CSMD3: variants seen among roughly 807,000 people sequenced by gnomAD.
CSMD3 encodes the protein CUB and sushi domain-containing protein 3.
Under a neutral mutation model 435.2 loss-of-function variants are expected in CSMD3, and 177 were observed. That is an observed-to-expected ratio of 0.41 (90% CI 0.36 to 0.46). The LOEUF (loss-of-function observed/expected upper bound fraction) is 0.46, where lower values mean the gene tolerates loss of function less well. Ranked by LOEUF, CSMD3 falls within the 20% of genes least tolerant of loss-of-function variation. The pLI is 0.34. For synonymous variants in CSMD3, 1,656 were observed against 1,520.5 expected (o/e 1.09, Z -2.07); for missense variants, 4,265 against 4,504.6 (o/e 0.95, Z 1.52).
intron 8 of CSMD3, among the ~76,000 whole-genome samples, chr8:112,951,029 T>C (rs560846733): frequency 6.6e-6 from 1 of 152,042 alleles, no homozygotes; most frequent in South Asian, 2.1e-4. Flanking sequence ...CAATTTAAAA[T>C]GTAAGGATAA....
At chr8:112,581,552 G>A (rs1830337186) in intron 23 of CSMD3, among the ~76,000 whole-genome samples, 1 of 151,966 alleles carries the variant, frequency 6.6e-6, no homozygotes, top group African/African-American at 2.4e-5. Flanking sequence ...AACTTAATTA[G>A]AAAGGAAATA....
intron 19 of CSMD3, among the ~76,000 whole-genome samples, chr8:112,648,346 C>T (rs949894199): frequency 6.6e-6 from 1 of 152,084 alleles, no homozygotes; most frequent in Admixed American, 6.5e-5. Context: ...TAATTCAGTC[C>T]TTGTCCAGTT....
At chr8:113,168,732 T>A (rs13275960) in intron 4 of CSMD3, among the ~76,000 whole-genome samples, 2 of 151,950 alleles carry the variant, frequency 1.3e-5, no homozygotes, top group Non-Finnish European at 2.9e-5. Context: ...ATTATTTTTG[T>A]GTCTTGTTTC....
intron 3 of CSMD3, among the ~76,000 whole-genome samples, chr8:113,264,654 A>G (rs2093453656): frequency 6.6e-6 from 1 of 151,604 alleles, no homozygotes; most frequent in Admixed American, 6.6e-5. Context: ...ACCTAAGAAA[A>G]TAAATATTTT....
intron 5 of CSMD3, among the ~76,000 whole-genome samples, chr8:113,020,725 T>C (rs1391994752): frequency 6.6e-6 from 1 of 152,214 alleles, no homozygotes; most frequent in Non-Finnish European, 1.5e-5. Context: ...AATAAACAGC[T>C]GATTTATTAT....
At chr8:113,007,625 T>C (rs921895753) in intron 6 of CSMD3, among the ~76,000 whole-genome samples, 2 of 151,934 alleles carry the variant, frequency 1.3e-5, no homozygotes, top group African/African-American at 4.8e-5. Context: ...TGTGGCACTT[T>C]AGTAATTTGC....
intron 54 of CSMD3, 102 bp from the exon 55 acceptor site, chr8:112,292,812 TAGAA>T (rs1313326138): frequency 9.8e-7 from 1 of 1,019,244 alleles, no homozygotes; most frequent in Non-Finnish European, 1.5e-6. Flanking sequence ...TCAAACAAAG[TAGAA>T]AGAAGACTAC....
chr8:112,324,358 T>A (rs1051864761), intron 45 of CSMD3, among the ~76,000 whole-genome samples: 2 of 152,108 alleles, frequency 1.3e-5, no homozygotes, highest in African/African-American at 2.4e-5. Flanking sequence ...GTATTTTGTA[T>A]TGTATTTGCA....
chr8:112,317,306 C>A (rs779486373), intron 47 of CSMD3, among the ~76,000 whole-genome samples: 3 of 151,938 alleles, frequency 2.0e-5, no homozygotes, highest in Non-Finnish European at 4.4e-5. Context: ...GTTATATTTA[C>A]TTTAATTCGT....
intron 1 of CSMD3, among the ~76,000 whole-genome samples, chr8:113,343,208 T>G (rs1403974338): frequency 6.6e-6 from 1 of 151,994 alleles, no homozygotes; most frequent in African/African-American, 2.4e-5. Context: ...TTTAAGAGTT[T>G]TATCCATTTA....
rs189591546 is a variant in CSMD3 at position 112,818,701 on chromosome 8, C to G, written c.1859+10985G>C. Among the ~76,000 whole-genome samples the G allele has an allele frequency of 7.0e-4, 106 of 152,228 alleles. 2 individuals are homozygous for G. Among genetic ancestry groups the G allele is most frequent in the African/African-American group, 2.5e-3 (103 of 41,542 alleles). On this transcript the variant is annotated intron_variant, in intron 12 of 70. Coordinates refer to ENST00000297405, the MANE Select transcript of CSMD3 (RefSeq NM_198123.2). ...TCCCCTGTAGAAGGCCCTCCTCTGA[C>G]CTTTCTCTAGTTTAACTCTTGCTCA...
In CSMD3 at chr8:113,295,699, C is replaced by T. The variant is rs146441402; in HGVS notation, c.402-16995G>A. Among the ~76,000 whole-genome samples, 341 of 152,246 alleles carry T rather than the reference C, an allele frequency of 2.2e-3. 3 individuals carry two copies. Among genetic ancestry groups the T allele is most frequent in the African/African-American group, 8.2e-3 (339 of 41,562 alleles). The stretch of plus-strand genomic sequence containing the variant: ...CTAAGCTTAGGAGTTCAAGACCAGC[C>T]TGAGTTCTAGTGTGATTGCATTTTG... On this transcript the variant is annotated intron_variant, in intron 2 of 70. Transcript: ENST00000297405.
At chr8:112,240,328 A>C (rs1813998604) in intron 66 of CSMD3, among the ~76,000 whole-genome samples, 1 of 152,080 alleles carries the variant, frequency 6.6e-6, no homozygotes, top group South Asian at 2.1e-4. Context: ...CAGAGTTTCC[A>C]CCTGGTCCCA....
chr8:112,263,608 A>C, intron 61 of CSMD3, 31 bp downstream of exon 61: 1 of 1,601,990 alleles, frequency 6.2e-7, no homozygotes, highest in Non-Finnish European at 8.5e-7. Flanking sequence ...GAAAATTTTA[A>C]GTAACAGTTG....
intron 13 of CSMD3, among the ~76,000 whole-genome samples, chr8:112,699,943 GAAA>G (rs1054294772): frequency 2.6e-5 from 4 of 151,960 alleles, no homozygotes; most frequent in Admixed American, 2.0e-4. Flanking sequence ...TCCTGGACAA[GAAA>G]AAAACATACA....
intron 34 of CSMD3, among the ~76,000 whole-genome samples, chr8:112,407,776 G>T (rs1831988027): frequency 6.6e-6 from 1 of 151,974 alleles, no homozygotes; most frequent in Non-Finnish European, 1.5e-5. Flanking sequence ...TCTTAACTTG[G>T]TTTAATGATA....
chr8:112,286,878 T>TCA (rs1819259575), intron 58 of CSMD3, among the ~76,000 whole-genome samples, 186 bp downstream of exon 58: 1 of 152,214 alleles, frequency 6.6e-6, no homozygotes, highest in Non-Finnish European at 1.5e-5. Flanking sequence ...GAGGGTTTTT[T>TCA]AAAAAAATTA....
At chr8:112,707,545 A>C (rs2131902074) in intron 13 of CSMD3, among the ~76,000 whole-genome samples, 1 of 152,066 alleles carries the variant, frequency 6.6e-6, no homozygotes, top group South Asian at 2.1e-4. Context: ...TAAATACAAC[A>C]GTTAAACAGG....
chr8:112,724,501 A>T (rs1448477212), intron 13 of CSMD3, among the ~76,000 whole-genome samples: 1 of 152,112 alleles, frequency 6.6e-6, no homozygotes, highest in Non-Finnish European at 1.5e-5. Context: ...CTGTCTGAGC[A>T]AGGGGAATGA....
Sources: allele counts gnomAD v4.1 joint callset (sites outside exome capture counted in the v4.1 genomes callset), GRCh38; gene constraint gnomAD v4.1.1; transcripts MANE v1.5; gene names NCBI Gene and HGNC (gene_info 2026-07-23, HGNC 2026-07-21).